MAP3K20: variants seen among roughly 807,000 people sequenced by gnomAD.
MAP3K20 encodes the protein HCCS-4.
A neutral mutation model predicts 85.7 loss-of-function variants in MAP3K20; 40 were observed. The observed-to-expected ratio is 0.47, with a 90% confidence interval of 0.36 to 0.61. MAP3K20 has a LOEUF of 0.61. Among genes scored for constraint, MAP3K20 ranks in the 20% least tolerant of loss-of-function variants. The probability of loss-of-function intolerance (pLI) is 0.00; values close to 1 mark genes in which losing one functional copy is unlikely to be tolerated. For synonymous variants in MAP3K20, 325 were observed against 327.7 expected, an observed-to-expected ratio of 0.99 and a Z score of 0.09; for missense variants, 817 against 961.7, an observed-to-expected ratio of 0.85 and a Z score of 1.99.
At chr2:173,134,334 A>T (rs1362122598) in intron 2 of MAP3K20, among the ~76,000 whole-genome samples, 1 of 133,748 alleles carries the variant, frequency 7.5e-6, no homozygotes. Flanking sequence ...AGTAGCTAGA[A>T]CCACAGGCGC....
chr2:173,181,779 G>A (rs13430550), intron 3 of MAP3K20, among the ~76,000 whole-genome samples: 34,101 of 151,824 alleles, frequency 0.22, 3,993 homozygotes, highest in African/African-American at 0.26. Context: ...CAGGCGCAGT[G>A]GCTCAAGCCT....
intron 3 of MAP3K20, 57 bp downstream of exon 3, chr2:173,169,949 T>A: frequency 6.8e-7 from 1 of 1,480,628 alleles, no homozygotes; most frequent in East Asian, 2.3e-5. Context: ...TTAGATTCCT[T>A]AATATGCTAA....
At position 173,266,275 on chromosome 2, in the gene MAP3K20, T is replaced by A; in HGVS notation, c.1928T>A (p.Leu643Gln). The A allele has an allele frequency of 6.2e-7, 1 of 1,614,140 alleles. No homozygotes were observed. The highest frequency in any genetic ancestry group is 8.5e-7 in the Non-Finnish European group (1 of 1,180,022). Reference sequence around the variant, plus strand: ...AGCTCGTCTCCTACTCAGTATGGACTGACCAAAAACTTCTCTTCCCTACAT... The same window carrying A: ...AGCTCGTCTCCTACTCAGTATGGACAGACCAAAAACTTCTCTTCCCTACAT... ...SRSSSPTQYG[L>Q]TKNFSSLHLN... Residue 643 changes from leucine (L) to glutamine (Q), a missense_variant, in exon 20 of 20, where the codon CTG becomes CAG. Physicochemically the swap from Leu to Gln is moderately radical, Grantham distance 113. Around this residue, in one of 4 missense-constraint regions of MAP3K20, gnomAD observed 454 missense variants for 476.9 expected, o/e 0.95. Coordinates refer to ENST00000375213, the MANE Select transcript of MAP3K20 (RefSeq NM_016653.3).
intron 18 of MAP3K20, 146 bp downstream of exon 18, chr2:173,261,283 A>C (rs1485940583): frequency 2.7e-6 from 2 of 753,788 alleles, no homozygotes; most frequent in Non-Finnish European, 4.1e-6. Context: ...TGAACATAGG[A>C]AGATCAATAT....
At chr2:173,224,268 A>G (rs1684327504) in intron 11 of MAP3K20, 22 of 985,454 alleles carry the variant, frequency 2.2e-5, no homozygotes, top group Non-Finnish European at 2.5e-5. Context: ...TTTGGGGCTA[A>G]CTTCGGGATC....
chr2:173,244,449 G>A (rs185915369), intron 16 of MAP3K20, among the ~76,000 whole-genome samples: 16 of 152,224 alleles, frequency 1.1e-4, no homozygotes, highest in African/African-American at 3.1e-4. Context: ...CCTTTATCCC[G>A]TTAGCATTTG....
intron 18 of MAP3K20, among the ~76,000 whole-genome samples, chr2:173,263,137 C>A (rs1434469007): frequency 6.6e-6 from 1 of 152,198 alleles, no homozygotes; most frequent in Non-Finnish European, 1.5e-5. Flanking sequence ...GATTTCAGAA[C>A]AAGAAAGTAA....
intron 1 of MAP3K20, among the ~76,000 whole-genome samples, chr2:173,080,502 G>C (rs1573994469): frequency 6.6e-6 from 1 of 152,160 alleles, no homozygotes; most frequent in Admixed American, 6.5e-5. Flanking sequence ...GGTGGAAGGC[G>C]AAAGCAAGCC....
chr2:173,225,139 A>C (rs1684349331), intron 11 of MAP3K20: 11 of 984,620 alleles, frequency 1.1e-5, no homozygotes, highest in Non-Finnish European at 1.3e-5. Flanking sequence ...GACCCTCCCT[A>C]GTCATTCTCA....
At chr2:173,173,636 ATT>A (rs1690072283) in intron 3 of MAP3K20, among the ~76,000 whole-genome samples, 1 of 152,202 alleles carries the variant, frequency 6.6e-6, no homozygotes, top group Non-Finnish European at 1.5e-5. Context: ...ATGTTTTGAT[ATT>A]GTGCTAGTCT....
chr2:173,125,914 G>A (rs917296129), intron 2 of MAP3K20, among the ~76,000 whole-genome samples: 2 of 152,064 alleles, frequency 1.3e-5, no homozygotes, highest in East Asian at 1.9e-4. Context: ...CACCTGCCTC[G>A]GCCTCCCAAA....
rs987749668 is a variant in MAP3K20, at chr2:173,134,397, T to C, written c.160-35408T>C. On this transcript the variant is annotated intron_variant, in intron 2 of 19. Transcript: ENST00000375213. ...GTGTGTGTGTGTGTCTCTATACATA[T>C]ATATATATATATATATATATATATA... Among the ~76,000 whole-genome samples the C allele has an allele frequency of 2.8e-3, 25 of 9,088 alleles. 2 individuals are homozygous for C. Among genetic ancestry groups the C allele is most frequent in the South Asian group, 6.9e-3 (2 of 288 alleles). 6.0% of individuals were successfully genotyped at this position (9,088 alleles called of 152,430 possible).
intron 9 of MAP3K20, among the ~76,000 whole-genome samples, chr2:173,206,193 T>C (rs548720177): frequency 4.3e-4 from 66 of 152,220 alleles, no homozygotes; most frequent in Admixed American, 1.0e-3. Context: ...AGTTTCTTAA[T>C]TGAGCACTCA....
intron 2 of MAP3K20, among the ~76,000 whole-genome samples, chr2:173,119,439 G>A (rs1476902506): frequency 6.6e-6 from 1 of 152,208 alleles, no homozygotes; most frequent in African/African-American, 2.4e-5. Flanking sequence ...GGCCATCATG[G>A]CCACTGGAGG....
At position 173,116,075 on chromosome 2, in the gene MAP3K20, C is replaced by T. The variant is rs1688115417; in HGVS notation, c.159+24885C>T. On this transcript the variant is annotated intron_variant, in intron 2 of 19. Transcript: ENST00000375213. The stretch of plus-strand genomic sequence containing the variant: ...ATGTTTCCCAGGCCAGTCTCACTAA[C>T]TCCTGAGCTCAAGCAATCCTCCCAT... Among the ~76,000 whole-genome samples the T allele has an allele frequency of 2.6e-5, 4 of 151,678 alleles. No homozygotes were observed. In the South Asian group the frequency reaches 8.3e-4, roughly 32 times the overall value.
intron 3 of MAP3K20, among the ~76,000 whole-genome samples, chr2:173,171,740 T>C (rs984725675): frequency 6.6e-6 from 1 of 152,196 alleles, no homozygotes. Context: ...TTAAATTGAT[T>C]AGTTTTTTAT....
At chr2:173,255,857 G>A (rs764429377) in intron 16 of MAP3K20, among the ~76,000 whole-genome samples, 2 of 152,222 alleles carry the variant, frequency 1.3e-5, no homozygotes, top group Non-Finnish European at 2.9e-5. Context: ...GGAGGTTCTT[G>A]CTATTTCAGA....
chr2:173,204,888 G>C (rs1316347156), intron 9 of MAP3K20, among the ~76,000 whole-genome samples: 1 of 152,102 alleles, frequency 6.6e-6, no homozygotes, highest in Non-Finnish European at 1.5e-5. Flanking sequence ...CGGATCATGA[G>C]GTCAGGAGAT....
chr2:173,255,116 T>C (rs1282809904), intron 16 of MAP3K20, among the ~76,000 whole-genome samples: 1 of 152,232 alleles, frequency 6.6e-6, no homozygotes, highest in Non-Finnish European at 1.5e-5. Context: ...AAAAAGAGAA[T>C]TTAAAAATAA....
Sources: gnomAD v4.1 joint callset for allele counts (sites outside exome capture counted in the v4.1 genomes callset) on GRCh38, gnomAD v4.1.1 for gene constraint, gnomAD v4.1.1 regional missense constraint, MANE v1.5 for transcripts, NCBI Gene and HGNC (gene_info 2026-07-23, HGNC 2026-07-21) for gene names.